SMARCA2: variants seen among roughly 807,000 people sequenced by gnomAD.
The protein encoded by SMARCA2 is SWI/SNF related BAF chromatin remodeling complex subunit ATPase 2.
SMARCA2 carries 61 observed loss-of-function variants against 199.8 expected under a neutral mutation model. That is an observed-to-expected ratio of 0.31 (90% CI 0.25 to 0.38). The LOEUF (loss-of-function observed/expected upper bound fraction) is 0.38. SMARCA2 is among the 10% of genes least tolerant of loss of function. The pLI is 1.00. For missense variants in SMARCA2, 1,344 were observed against 2,012.2 expected, an observed-to-expected ratio of 0.67 and a Z score of 6.35; for synonymous variants, 935 against 732.0, an observed-to-expected ratio of 1.28 and a Z score of -4.48.
At chr9:2,034,369 A>C (rs927743963) in intron 3 of SMARCA2, among the ~76,000 whole-genome samples, 5 of 152,136 alleles carry the variant, frequency 3.3e-5, no homozygotes, top group South Asian at 4.1e-4. Context: ...CTAAATCAGT[A>C]TATGGCATAT....
intron 32 of SMARCA2, 49 bp from the exon 33 acceptor site, chr9:2,191,217 T>C (rs1554646395): frequency 3.2e-6 from 5 of 1,584,196 alleles, no homozygotes; most frequent in Non-Finnish European, 4.3e-6. Flanking sequence ...TATACAAAGA[T>C]CTCCTTGTGA....
chr9:2,053,581 A>G (rs1177294697), intron 5 of SMARCA2, among the ~76,000 whole-genome samples: 1 of 152,220 alleles, frequency 6.6e-6, no homozygotes, highest in African/African-American at 2.4e-5. Flanking sequence ...GAGAGAGACA[A>G]TTAAATAACA....
At chr9:2,127,974 T>A (rs1438588891) in intron 27 of SMARCA2, among the ~76,000 whole-genome samples, 5 of 149,616 alleles carry the variant, frequency 3.3e-5, no homozygotes, top group Admixed American at 2.0e-4. Flanking sequence ...GTTTTTTTTT[T>A]AAAGGTATTT....
At position 2,151,794 on chromosome 9, in the gene SMARCA2, TA is replaced by T. The variant is rs138774358; in HGVS notation, c.3982-9884del. ...CCACACTGAAAATGTCCAATGAATA[TA>T]AAAAAAACACAGTAAAGTCATCTCA... On this transcript the variant is annotated intron_variant, in intron 27 of 33. Coordinates refer to ENST00000349721, the MANE Select transcript of SMARCA2 (RefSeq NM_003070.5). Among the ~76,000 whole-genome samples the T allele has an allele frequency of 3.6e-3, 549 of 151,782 alleles. 1 individual carries two copies. Among genetic ancestry groups the T allele is most frequent in the Non-Finnish European group, 3.7e-3 (251 of 67,896 alleles).
intron 27 of SMARCA2, chr9:2,158,649 T>TC (rs1554638078): frequency 3.2e-3 from 956 of 296,986 alleles, no homozygotes; most frequent in Non-Finnish European, 4.5e-3. Flanking sequence ...TAGCAAGTTT[T>TC]GGGGTTTTTT....
intron 15 of SMARCA2, among the ~76,000 whole-genome samples, chr9:2,082,726 C>T (rs1305074989): frequency 6.6e-6 from 1 of 152,222 alleles, no homozygotes; most frequent in Non-Finnish European, 1.5e-5. Context: ...CTTGGACCTT[C>T]AGTAAGAAGA....
In SMARCA2 at chr9:2,110,283, T is replaced by C. The variant is rs1240147599; in HGVS notation, c.3322T>C (p.Leu1108=). 7 of 1,613,404 alleles carry C rather than the reference T, an allele frequency of 4.3e-6. No individual in the cohort carries two copies. Among genetic ancestry groups the C allele is most frequent in the Non-Finnish European group, 5.9e-6 (7 of 1,179,770 alleles). ...CACCAAGTCTGAAGATCGTGCTGCTTTGCTGAAGAAATTCAATGAACCTGG... is the reference window on the plus strand; with the variant it reads ...CACCAAGTCTGAAGATCGTGCTGCTCTGCTGAAGAAATTCAATGAACCTGG... The part of the protein sequence containing the change: ...GTTKSEDRAA[L]LKKFNEPGSQ... The change falls in exon 24 of 34, where the codon TTG becomes CTG. Residue 1108 remains leucine (L), a synonymous_variant. Transcript: ENST00000349721. This position sits in a 1 kb window ranked among gnomAD's most constrained non-coding sequence, Gnocchi z 4.8.
At chr9:2,105,402 C>T (rs1188229003) in intron 23 of SMARCA2, among the ~76,000 whole-genome samples, 5 of 143,610 alleles carry the variant, frequency 3.5e-5, no homozygotes, top group South Asian at 4.2e-4. Context: ...TGTGCCACCA[C>T]GCCCGGCTAA....
intron 31 of SMARCA2, among the ~76,000 whole-genome samples, chr9:2,182,817 G>A (rs575557290): frequency 7.4e-6 from 1 of 134,796 alleles, no homozygotes; most frequent in Non-Finnish European, 1.6e-5. Context: ...TTTTTTTTTC[G>A]AGATGGAGTC....
At chr9:2,168,684 A>G (rs1212649146) in intron 28 of SMARCA2, among the ~76,000 whole-genome samples, 1 of 152,258 alleles carries the variant, frequency 6.6e-6, no homozygotes, top group East Asian at 1.9e-4. Context: ...TTTTCGTAAC[A>G]AACATTTTAA....
At chr9:2,137,719 A>T (rs531986122) in intron 27 of SMARCA2, among the ~76,000 whole-genome samples, 6 of 152,272 alleles carry the variant, frequency 3.9e-5, no homozygotes, top group African/African-American at 1.4e-4. Context: ...TGTCTTCTTG[A>T]CTGCTATGTC....
chr9:2,187,108 T>C (rs1039067297), intron 32 of SMARCA2, among the ~76,000 whole-genome samples: 1 of 150,972 alleles, frequency 6.6e-6, no homozygotes, highest in Admixed American at 6.6e-5. Flanking sequence ...ACTGTGAATT[T>C]TGCATAGAAT....
At chr9:2,112,908 C>T (rs966370836) in intron 24 of SMARCA2, among the ~76,000 whole-genome samples, 1 of 152,164 alleles carries the variant, frequency 6.6e-6, no homozygotes, top group Admixed American at 6.5e-5. Context: ...ATATCTTCTA[C>T]ATAAGGAAAC....
At chr9:2,121,484 C>T (rs892613703) in intron 26 of SMARCA2, among the ~76,000 whole-genome samples, 2 of 152,160 alleles carry the variant, frequency 1.3e-5, no homozygotes, top group Non-Finnish European at 1.5e-5. Context: ...AGCACCTCCA[C>T]TTGGGGGCAG....
At chr9:2,122,097 G>A (rs1001533830) in intron 26 of SMARCA2, among the ~76,000 whole-genome samples, 11 of 152,194 alleles carry the variant, frequency 7.2e-5, no homozygotes, top group East Asian at 1.9e-4. Context: ...TTATGTAATC[G>A]AATCTACCTT....
intron 33 of SMARCA2, 123 bp downstream of exon 33, chr9:2,191,531 A>AAATC: frequency 2.8e-6 from 3 of 1,074,490 alleles, no homozygotes; most frequent in Non-Finnish European, 4.1e-6. Context: ...GTCAGGATTT[A>AAATC]GTGAGATTTC....
chr9:2,173,999 G>C (rs1826398726), intron 29 of SMARCA2, among the ~76,000 whole-genome samples: 2 of 152,122 alleles, frequency 1.3e-5, no homozygotes, highest in Non-Finnish European at 2.9e-5. Flanking sequence ...GCTGAAACAG[G>C]CTGCTTTGAC....
intron 12 of SMARCA2, among the ~76,000 whole-genome samples, chr9:2,074,017 C>A (rs1821209335): frequency 6.6e-6 from 1 of 152,118 alleles, no homozygotes; most frequent in Non-Finnish European, 1.5e-5. Context: ...GTCCTTCAGA[C>A]CTTCGAGTCT....
rs751992423 is a variant in SMARCA2 at position 2,039,809 on chromosome 9, GCAGCAGCAA to G, written c.707_715del (p.Gln236_Gln238del). 4 of 1,605,714 alleles carry G rather than the reference GCAGCAGCAA, an allele frequency of 2.5e-6. No homozygotes were observed. The highest frequency in any genetic ancestry group is 1.7e-5 in the Admixed American group (1 of 59,302). ...AGCAGCAGCAGCAGCAGCAGCAGCA[GCAGCAGCAA>G]CAGCAGCCGCAGCAGCAGCCGCCGC... is the stretch of plus-strand genomic sequence containing the variant. On this transcript the variant is annotated inframe_deletion, in exon 4 of 34. Transcript: ENST00000349721. The surrounding 1 kb of genome is among the most constrained non-coding windows in gnomAD (Gnocchi z 4.8).
Sources: allele counts gnomAD v4.1 joint callset (sites outside exome capture counted in the v4.1 genomes callset), GRCh38; gene constraint gnomAD v4.1.1; non-coding constraint Gnocchi (gnomAD v3.1); transcripts MANE v1.5; gene names NCBI Gene and HGNC (gene_info 2026-07-23, HGNC 2026-07-21).